The following POR variants were observed in gnomAD, a reference collection of about 807,000 sequenced individuals.
POR encodes the protein cytochrome p450 oxidoreductase.
In POR, 56 loss-of-function variants were observed where a neutral mutation model predicts 84.0. The observed-to-expected ratio is 0.67, with a 90% CI of 0.54 to 0.83. The LOEUF (loss-of-function observed/expected upper bound fraction) is 0.83, where lower values mean the gene tolerates loss of function less well. Among genes scored for constraint, POR ranks in the 40% least tolerant of loss-of-function variants. The pLI is 0.00. For missense variants in POR, 938 were observed against 944.3 expected (o/e 0.99, Z 0.09); for synonymous variants, 414 against 400.5 (o/e 1.03, Z -0.40).
chr7:75,985,226 C>A lies in POR; in HGVS notation c.1398+19C>A. ...CTCCAAGGTGAGGGCCGGCACTGCC[C>A]TGCCAGCCACACGCTGGAGGCCCAG... On this transcript the variant is annotated intron_variant, in intron 12 of 15. Transcript: ENST00000461988. 1 of 1,572,740 alleles carries A rather than the reference C, an allele frequency of 6.4e-7. No homozygotes were observed. Among genetic ancestry groups the A allele is most frequent in the Admixed American group, 1.7e-5 (1 of 58,280 alleles).
intron 10 of POR, among the ~76,000 whole-genome samples, chr7:75,984,342 A>G (rs1789274416): frequency 6.6e-6 from 1 of 152,074 alleles, no homozygotes; most frequent in Admixed American, 6.5e-5. Flanking sequence ...TCCCGCTGTG[A>G]AGCCCTCGGA....
At chr7:75,981,207 C>T (rs200472960) in intron 6 of POR, 35 bp downstream of exon 6, 34 of 1,501,764 alleles carry the variant, frequency 2.3e-5, no homozygotes, top group African/African-American at 7.0e-5. Context: ...ATCAGCGCGG[C>T]GGGCTTAGGC....
intron 2 of POR, among the ~76,000 whole-genome samples, chr7:75,957,560 G>C (rs1787741892): frequency 6.6e-6 from 1 of 152,178 alleles, no homozygotes; most frequent in African/African-American, 2.4e-5. Flanking sequence ...TTGCCACCAA[G>C]GGAGGCAGCA....
chr7:75,959,643 A>G (rs1787847107), intron 2 of POR, among the ~76,000 whole-genome samples: 3 of 152,136 alleles, frequency 2.0e-5, no homozygotes, highest in Admixed American at 2.0e-4. Flanking sequence ...TTTAGTAGAG[A>G]TGGAGTTTCA....
rs556641067 is a variant in POR at position 75,953,126 on chromosome 7, G to T, written c.-4-863G>T. ...GCGGTTAGGAGCTGGAGACCAGCCC[G>T]GCCAACACAGCGAAACCCCGTTTCC... On this transcript the variant is annotated intron_variant, in intron 1 of 15. Coordinates refer to ENST00000461988, the MANE Select transcript of POR (RefSeq NM_000941.3). 6.0e-3 allele frequency among the ~76,000 whole-genome samples: 908 copies of T among 152,256 alleles called. 10 individuals are homozygous for T. Among genetic ancestry groups the T allele is most frequent in the African/African-American group, 0.021 (861 of 41,526 alleles).
At chr7:75,976,326 C>T (rs372255199) in intron 3 of POR, among the ~76,000 whole-genome samples, 1 of 151,970 alleles carries the variant, frequency 6.6e-6, no homozygotes, top group East Asian at 1.9e-4. Flanking sequence ...ACCTGTAGTC[C>T]CAGGTACTCG....
At position 75,954,080 on chromosome 7, in the gene POR, G is replaced by A. The variant is rs2116420434; in HGVS notation, c.88G>A (p.Asp30Asn). 1.2e-6 allele frequency: 2 copies of A among 1,613,080 alleles called. No homozygotes were observed. The highest frequency in any genetic ancestry group is 2.2e-5 in the East Asian group (1 of 44,870). The change falls in exon 2 of 16, where the codon GAC (aspartate) becomes AAC (asparagine). Residue 30 changes from aspartate (D) to asparagine (N), a missense_variant. By Grantham distance (23) the Asp-to-Asn change is conservative. Transcript: ENST00000461988. ...AGAAGTATCTCTTTTCAGCATGACG[G>A]ACATGATTCTGTTTTCGCTCATCGT...
intron 1 of POR, among the ~76,000 whole-genome samples, chr7:75,951,890 A>C (rs1787436512): frequency 6.6e-6 from 1 of 152,220 alleles, no homozygotes; most frequent in African/African-American, 2.4e-5. Context: ...TGAGCATCTT[A>C]TGAGGGAACT....
At chr7:75,916,415 T>C (rs919312732) in intron 1 of POR, among the ~76,000 whole-genome samples, 6 of 152,194 alleles carry the variant, frequency 3.9e-5, no homozygotes, top group African/African-American at 1.4e-4. Flanking sequence ...TGGGGTTGGC[T>C]TGGTCAGGAG....
chr7:75,969,877 C>T (rs1288614531), intron 2 of POR, among the ~76,000 whole-genome samples: 1 of 152,218 alleles, frequency 6.6e-6, no homozygotes, highest in East Asian at 1.9e-4. Flanking sequence ...CCCAGGCTTC[C>T]AGTTAAGCCA....
Position 75,986,226 on chromosome 7 carries a change from A to C in POR, c.1883A>C (p.His628Pro). 5.0e-6 allele frequency: 8 copies of C among 1,612,642 alleles called. No individual in the cohort carries two copies. Among genetic ancestry groups the C allele is most frequent in the Non-Finnish European group, 5.9e-6 (7 of 1,179,794 alleles). Residue 628 changes from histidine (H) to proline (P), a missense_variant, in exon 15 of 16, where the codon CAC becomes CCC. Physicochemically the swap from His to Pro is moderately conservative, Grantham distance 77. Coordinates refer to ENST00000461988, the MANE Select transcript of POR (RefSeq NM_000941.3). The stretch of plus-strand genomic sequence containing the variant: ...TGGAAGTTGATCGAAGGCGGTGCCC[A>C]CATCTACGTCTGTGGGTGAGTGAGT...
intron 1 of POR, among the ~76,000 whole-genome samples, chr7:75,921,560 C>T (rs548043419): frequency 7.9e-5 from 12 of 152,094 alleles, no homozygotes; most frequent in African/African-American, 2.9e-4. Context: ...CCACCACGCC[C>T]GGCCCTTTAA....
In POR at chr7:75,986,574, C is replaced by T. The variant is rs1789489622; in HGVS notation, c.*93C>T. 2 of 1,481,568 alleles carry T rather than the reference C, an allele frequency of 1.3e-6. No individual in the cohort carries two copies. The highest frequency in any genetic ancestry group is 1.8e-6 in the Non-Finnish European group (2 of 1,103,770). 91.8% of individuals were successfully genotyped at this position (1,481,568 alleles called of 1,614,324 possible). Reference sequence around the variant, plus strand: ...GTCTCCTGGGTGTGTTTGGCTTGGCCTTGGCATGGGCGCAGGCCCAGTGAC... The same window carrying T: ...GTCTCCTGGGTGTGTTTGGCTTGGCTTTGGCATGGGCGCAGGCCCAGTGAC... On this transcript the variant is annotated 3_prime_UTR_variant, in exon 16 of 16. Coordinates refer to ENST00000461988, the MANE Select transcript of POR (RefSeq NM_000941.3).
intron 1 of POR, chr7:75,923,359 A>G (rs544107624): frequency 1.2e-6 from 1 of 803,196 alleles, no homozygotes; most frequent in Admixed American, 1.7e-5. Context: ...CATGCTACCA[A>G]AAATAGTGGA....
chr7:75,923,235 G>T (rs1289171441), intron 1 of POR: 1 of 1,125,358 alleles, frequency 8.9e-7, no homozygotes, highest in Non-Finnish European at 1.3e-6. Context: ...GGAGCACCTG[G>T]GAAAGCTTGG....
chr7:75,984,712 G>A (rs916208631), intron 10 of POR, 65 bp from the exon 11 acceptor site: 42 of 1,471,332 alleles, frequency 2.9e-5, no homozygotes, highest in South Asian at 5.7e-5. Flanking sequence ...ACCCCCTCCT[G>A]CCGCAGCCAC....
At chr7:75,923,361 A>G in intron 1 of POR, 1 of 798,970 alleles carries the variant, frequency 1.3e-6, no homozygotes, top group Non-Finnish European at 2.2e-6. Flanking sequence ...TGCTACCAAA[A>G]ATAGTGGACT....
intron 14 of POR, 23 bp downstream of exon 14, chr7:75,986,091 A>T: frequency 1.3e-6 from 2 of 1,572,020 alleles, no homozygotes; most frequent in Non-Finnish European, 1.7e-6. Context: ...GGCACCCACG[A>T]AGGTGGGCAT....
chr7:75,985,015 C>G, intron 11 of POR, 43 bp from the exon 12 acceptor site: 1 of 1,580,766 alleles, frequency 6.3e-7, no homozygotes, highest in Non-Finnish European at 8.6e-7. Context: ...TTTCCGAGCT[C>G]CGTGGGCCCC....
Sources: allele counts gnomAD v4.1 joint callset (sites outside exome capture counted in the v4.1 genomes callset), GRCh38; gene constraint gnomAD v4.1.1; transcripts MANE v1.5; gene names NCBI Gene and HGNC (gene_info 2026-07-23, HGNC 2026-07-21).